The following ABCC6 variants were observed in gnomAD, a reference collection of about 807,000 sequenced individuals.
ABCC6 encodes the protein ATP binding cassette subfamily C member 6, also known as ATP-binding cassette sub-family C member 6.
In ABCC6, 126 loss-of-function variants were observed where a neutral mutation model predicts 169.5. The observed-to-expected ratio is 0.74, with a 90% CI of 0.64 to 0.86. The LOEUF (loss-of-function observed/expected upper bound fraction) is 0.86, where lower values mean the gene tolerates loss of function less well. Ranked by LOEUF, ABCC6 falls within the 40% of genes least tolerant of loss-of-function variation. ABCC6 has a pLI of 0.00. For missense variants in ABCC6, 1,733 were observed against 1,927.2 expected (o/e 0.90, Z 1.89); for synonymous variants, 752 against 814.7 (o/e 0.92, Z 1.31).
rs767267908 is a variant in ABCC6 at position 16,173,292 on chromosome 16, A to G, written c.2779T>C (p.Tyr927His). ...GTGAAGCTGGTGGTTACCCTGCCGT[A>G]TTGGATGCTGTCCTTTCCTGCTGGC... is the stretch of plus-strand genomic sequence containing the variant. ...GWPAGKDSIQ[Y>H]GRVKATVHLA... The change falls in exon 21 of 31, where the codon TAC becomes CAC. Residue 927 changes from tyrosine to histidine, a missense_variant. Tyr to His is a moderately conservative substitution (Grantham distance 83, BLOSUM62 2). Coordinates refer to ENST00000205557, the MANE Select transcript of ABCC6 (RefSeq NM_001171.6). 10 of 1,613,868 alleles carry G rather than the reference A, an allele frequency of 6.2e-6. No individual in the cohort carries two copies. Among genetic ancestry groups the G allele is most frequent in the East Asian group, 4.5e-5 (2 of 44,892 alleles).
Position 16,188,976 on chromosome 16 carries a change from T to TG in ABCC6, c.1636-3dup. 1 of 1,562,206 alleles carries TG rather than the reference T, an allele frequency of 6.4e-7. No homozygotes were observed. The stretch of plus-strand genomic sequence containing the variant: ...GACAGCAAACACCACCAGTGCGACC[T>TG]GGGGGGTGGGGGGGACACGTGGGGC... On this transcript the variant is annotated splice_region_variant and splice_polypyrimidine_tract_variant and intron_variant, in intron 12 of 30. Transcript: ENST00000205557.
chr16:16,165,458 G>T (rs1165935269), intron 23 of ABCC6, among the ~76,000 whole-genome samples, 165 bp downstream of exon 23: 1 of 152,108 alleles, frequency 6.6e-6, no homozygotes, highest in Non-Finnish European at 1.5e-5. Context: ...ACAGACACTA[G>T]TGGAGATACC....
At chr16:16,211,191 C>T (rs185747984) in intron 6 of ABCC6, among the ~76,000 whole-genome samples, 2 of 152,082 alleles carry the variant, frequency 1.3e-5, no homozygotes, top group East Asian at 3.9e-4. Flanking sequence ...CACCTGAGGT[C>T]GGGAGTTTCA....
chr16:16,197,258 T>C (rs2048069216), intron 10 of ABCC6, among the ~76,000 whole-genome samples: 1 of 152,086 alleles, frequency 6.6e-6, no homozygotes, highest in Non-Finnish European at 1.5e-5. Context: ...CATGGGGAAG[T>C]ATCAACGTCA....
intron 10 of ABCC6, among the ~76,000 whole-genome samples, chr16:16,195,833 C>T (rs2048019478): frequency 6.6e-6 from 1 of 152,186 alleles, no homozygotes; most frequent in African/African-American, 2.4e-5. Context: ...GTCCTGGCCC[C>T]TAGCCTTAGC....
At chr16:16,150,907 C>T (rs1312458380) in intron 29 of ABCC6, 135 bp from the exon 30 acceptor site, 1 of 1,502,404 alleles carries the variant, frequency 6.7e-7, no homozygotes, top group Admixed American at 2.0e-5. Context: ...CACATGGGGT[C>T]TGGGGTCTGT....
intron 7 of ABCC6, 142 bp from the exon 8 acceptor site, chr16:16,203,755 C>G: frequency 1.0e-6 from 1 of 953,132 alleles, no homozygotes; most frequent in South Asian, 1.4e-5. Context: ...CCTGTTCCTC[C>G]TTATCACCCT....
intron 14 of ABCC6, among the ~76,000 whole-genome samples, chr16:16,186,602 A>T (rs1209534672): frequency 6.7e-6 from 1 of 149,984 alleles, no homozygotes; most frequent in Non-Finnish European, 1.5e-5. Context: ...TCCTTATAAG[A>T]ATCTAATGCC....
At chr16:16,217,823 C>G (rs2048933739) in intron 4 of ABCC6, among the ~76,000 whole-genome samples, 1 of 152,234 alleles carries the variant, frequency 6.6e-6, no homozygotes, top group Non-Finnish European at 1.5e-5. Flanking sequence ...GGCGCTGTGG[C>G]TCACGCCTGT....
At chr16:16,211,389 G>A (rs569589654) in intron 6 of ABCC6, among the ~76,000 whole-genome samples, 8 of 152,186 alleles carry the variant, frequency 5.3e-5, no homozygotes, top group African/African-American at 1.7e-4. Flanking sequence ...CAACAAGAAC[G>A]GAACTCCATC....
chr16:16,184,405 C>T (rs979080353), intron 15 of ABCC6, among the ~76,000 whole-genome samples: 1 of 151,948 alleles, frequency 6.6e-6, no homozygotes, highest in Non-Finnish European at 1.5e-5. Context: ...TCGCCCTATC[C>T]CCAATACCTA....
intron 6 of ABCC6, among the ~76,000 whole-genome samples, chr16:16,211,295 G>A (rs1203315701): frequency 2.0e-5 from 3 of 151,982 alleles, no homozygotes; most frequent in Non-Finnish European, 2.9e-5. Flanking sequence ...CAGCTACTCG[G>A]GAGGCTGAGG....
At position 16,219,629 on chromosome 16, in the gene ABCC6, A is replaced by G; in HGVS notation, c.399T>C (p.Ser133=). 4 of 1,470,236 alleles carry G rather than the reference A, an allele frequency of 2.7e-6. No homozygotes were observed. The highest frequency in any genetic ancestry group is 2.8e-6 in the Non-Finnish European group (3 of 1,077,488). The allele number at this position is 1,470,236 out of a possible 1,614,324, so 91.1% of individuals were successfully genotyped here. ...GAAGCCAGTAACCAAACAGCACTCC[A>G]GATGACTGGACTCCCTTTTTCCTCT... ...HTERKKGVQS[S]GVLFGYWLLC... is the part of the protein sequence containing the mutation. The change falls in exon 4 of 31, where the codon TCT becomes TCC. Residue 133 remains serine (S), a synonymous_variant. Transcript: ENST00000205557.
rs1240073394 is a variant in ABCC6, at chr16:16,169,665, C to G, written c.2976G>C (p.Gly992=). 1.6e-5 allele frequency: 26 copies of G among 1,610,732 alleles called. No homozygotes were observed. The highest frequency in any genetic ancestry group is 2.2e-5 in the Non-Finnish European group (26 of 1,179,672). ...GCGTACCTTGGAGACAGCCGAGGAG[C>G]CCGAAGATCCCGCCACGCAGGGCTG... is the stretch of plus-strand genomic sequence containing the variant. The part of the protein sequence containing the change: ...TQAALRGGIF[G]LLGCLQAIGL... Residue 992 remains glycine (G), a synonymous_variant, in exon 22 of 31, where the codon GGG becomes GGC. Coordinates refer to ENST00000205557, the MANE Select transcript of ABCC6 (RefSeq NM_001171.6).
Position 16,190,221 on chromosome 16 carries a change from C to G in ABCC6, c.1578G>C (p.Arg526=), listed in dbSNP as rs1389620141. The G allele has an allele frequency of 6.2e-7, 1 of 1,614,048 alleles. No homozygotes were observed. The highest frequency in any genetic ancestry group is 8.5e-7 in the Non-Finnish European group (1 of 1,180,024). ...ACACAGAGAAGAGGAGGCCGGAGGT[C>G]CGCAAGGCGCCCAGCTCCTGGCCTC... The part of the protein sequence containing the change: ...GIRGQELGAL[R]TSGLLFSVSL... The change falls in exon 12 of 31, where the codon CGG becomes CGC. Residue 526 remains arginine (R), a synonymous_variant. Transcript: ENST00000205557.
chr16:16,155,061 C>G (rs2046503550), intron 27 of ABCC6, 30 bp from the exon 28 acceptor site: 3 of 1,543,810 alleles, frequency 1.9e-6, no homozygotes, highest in African/African-American at 2.7e-5. Flanking sequence ...AAGGCCTGCT[C>G]TGACCAGAGG....
At chr16:16,169,549 G>T in intron 22 of ABCC6, 97 bp downstream of exon 22, 1 of 1,415,448 alleles carries the variant, frequency 7.1e-7, no homozygotes, top group South Asian at 1.2e-5. Context: ...CTGTTCCAGG[G>T]GGACAGGGTG....
intron 25 of ABCC6, among the ~76,000 whole-genome samples, chr16:16,159,955 C>T (rs564129644): frequency 2.6e-5 from 4 of 152,110 alleles, no homozygotes; most frequent in African/African-American, 9.7e-5. Flanking sequence ...ACTGGGTGGC[C>T]ACCAATTTCC....
Position 16,202,131 on chromosome 16 carries a change from C to T in ABCC6, c.1046G>A (p.Gly349Asp). Reference sequence around the variant, plus strand: ...GAACATCAGCACGGCGAGGAGGTAGCCCTTCCAGGCTGGAGGCTTGGGATC... The same window carrying T: ...GAACATCAGCACGGCGAGGAGGTAGTCCTTCCAGGCTGGAGGCTTGGGATC... ...IGDPKPPAWK[G>D]YLLAVLMFLS... The change falls in exon 9 of 31, where the codon GGC (glycine) becomes GAC (aspartate). Residue 349 changes from glycine to aspartate, a missense_variant. Coordinates refer to ENST00000205557, the MANE Select transcript of ABCC6 (RefSeq NM_001171.6). The T allele has an allele frequency of 7.4e-6, 12 of 1,613,832 alleles. No individual in the cohort carries two copies. Among genetic ancestry groups the T allele is most frequent in the South Asian group, 1.1e-5 (1 of 91,064 alleles).
Sources: gnomAD v4.1 joint callset for allele counts (sites outside exome capture counted in the v4.1 genomes callset) on GRCh38, gnomAD v4.1.1 for gene constraint, MANE v1.5 for transcripts, NCBI Gene and HGNC (gene_info 2026-07-23, HGNC 2026-07-21) for gene names.